The following KCNIP4 variants were observed in gnomAD, a reference collection of about 807,000 sequenced individuals.
KCNIP4 encodes potassium voltage-gated channel interacting protein 4.
In KCNIP4, 12 loss-of-function variants were observed where a neutral mutation model predicts 34.0. The observed-to-expected ratio is 0.35, with a 90% CI of 0.23 to 0.57. The LOEUF (loss-of-function observed/expected upper bound fraction) is 0.57, where lower values mean the gene tolerates loss of function less well. KCNIP4 is among the 20% of genes least tolerant of loss of function. The pLI is 0.83. For synonymous variants in KCNIP4, 124 were observed against 102.2 expected (o/e 1.21, Z -1.29); for missense variants, 238 against 311.7 (o/e 0.76, Z 1.78).
chr4:20,823,525 C>T (rs1306628516), intron 3 of KCNIP4, among the ~76,000 whole-genome samples: 2 of 151,974 alleles, frequency 1.3e-5, no homozygotes, highest in Non-Finnish European at 2.9e-5. Context: ...GGGTGTAGCC[C>T]TCATGAATGG....
chr4:20,993,294 T>C (rs1737251065), intron 1 of KCNIP4, among the ~76,000 whole-genome samples: 1 of 152,144 alleles, frequency 6.6e-6, no homozygotes, highest in African/African-American at 2.4e-5. Context: ...AGATTTCTTA[T>C]AGTGAGAAGA....
intron 1 of KCNIP4, among the ~76,000 whole-genome samples, chr4:21,621,534 T>G (rs924257914): frequency 6.6e-6 from 1 of 152,090 alleles, no homozygotes; most frequent in African/African-American, 2.4e-5. Flanking sequence ...TCTGATGAAA[T>G]TTTTGTAGAG....
At chr4:21,888,383 T>G (rs1420255605) in intron 1 of KCNIP4, among the ~76,000 whole-genome samples, 1 of 152,104 alleles carries the variant, frequency 6.6e-6, no homozygotes, top group Non-Finnish European at 1.5e-5. Flanking sequence ...AAAGTAGAAC[T>G]GGTGACTAAA....
chr4:21,432,325 A>G (rs1726563365), intron 1 of KCNIP4, among the ~76,000 whole-genome samples: 1 of 151,572 alleles, frequency 6.6e-6, no homozygotes, highest in Admixed American at 6.6e-5. Context: ...CCCGATAAAC[A>G]TTGTTAGTCT....
chr4:21,944,982 C>T (rs1450859094), intron 1 of KCNIP4, among the ~76,000 whole-genome samples: 1 of 152,042 alleles, frequency 6.6e-6, no homozygotes, highest in Non-Finnish European at 1.5e-5. Context: ...CTCCCCACAA[C>T]CCCCTCCCTG....
intron 3 of KCNIP4, among the ~76,000 whole-genome samples, chr4:20,831,031 T>C (rs1358522439): frequency 6.6e-6 from 1 of 152,204 alleles, no homozygotes; most frequent in Non-Finnish European, 1.5e-5. Context: ...CTGTAAAATA[T>C]AAAGAGAGTG....
At chr4:20,968,544 T>C (rs1475264826) in intron 1 of KCNIP4, among the ~76,000 whole-genome samples, 3 of 152,020 alleles carry the variant, frequency 2.0e-5, no homozygotes, top group Non-Finnish European at 2.9e-5. Flanking sequence ...CCATCAATGA[T>C]AGACTGGATT....
chr4:20,930,636 T>C (rs55733034), intron 1 of KCNIP4, among the ~76,000 whole-genome samples: 3,647 of 152,140 alleles, frequency 0.024, 132 homozygotes, highest in African/African-American at 0.075. Flanking sequence ...TATTCAACAT[T>C]TGTAAAGAAC....
intron 1 of KCNIP4, among the ~76,000 whole-genome samples, chr4:20,989,975 A>G (rs1244084590): frequency 3.3e-5 from 5 of 152,106 alleles, no homozygotes; most frequent in Non-Finnish European, 7.4e-5. Flanking sequence ...AACAAAAACA[A>G]AACAAAAGAC....
chr4:21,529,942 A>C (rs1736533900), intron 1 of KCNIP4, among the ~76,000 whole-genome samples: 1 of 152,162 alleles, frequency 6.6e-6, no homozygotes, highest in Non-Finnish European at 1.5e-5. Context: ...GTTCGCGAGG[A>C]ACTCTGAAGA....
At chr4:21,292,125 A>C (rs1267257587) in intron 1 of KCNIP4, among the ~76,000 whole-genome samples, 1 of 152,110 alleles carries the variant, frequency 6.6e-6, no homozygotes, top group Non-Finnish European at 1.5e-5. Context: ...CAACATAATA[A>C]ATAAACTACT....
rs539564842 is a variant in KCNIP4 at position 20,868,862 on chromosome 4, T to C, written c.163+13746A>G. Among the ~76,000 whole-genome samples, 5 of 152,146 alleles carry C rather than the reference T, an allele frequency of 3.3e-5. No homozygotes were observed. In the East Asian group the frequency reaches 5.8e-4, roughly 18 times the overall value. On this transcript the variant is annotated intron_variant, in intron 2 of 8. Coordinates refer to ENST00000382152, the MANE Select transcript of KCNIP4 (RefSeq NM_025221.6). ...AGGCGGGACATTGAAAAACTACCTA[T>C]TGGGTACTATGCTCACTGCCAAGGT...
chr4:21,871,937 A>T (rs992397416), intron 1 of KCNIP4, among the ~76,000 whole-genome samples: 3 of 151,850 alleles, frequency 2.0e-5, no homozygotes, highest in Non-Finnish European at 4.4e-5. Context: ...ACCACACTGC[A>T]GTTTTCCCTG....
At chr4:21,172,037 T>C (rs1389539304) in intron 1 of KCNIP4, among the ~76,000 whole-genome samples, 1 of 152,170 alleles carries the variant, frequency 6.6e-6, no homozygotes. Flanking sequence ...TTTTGTTTTG[T>C]TTTGTTTTGA....
intron 1 of KCNIP4, among the ~76,000 whole-genome samples, chr4:21,831,579 G>A (rs1331692249): frequency 7.0e-6 from 1 of 142,954 alleles, no homozygotes; most frequent in South Asian, 2.3e-4. Flanking sequence ...CAGCATACAT[G>A]TCCCAAGACT....
rs563039729 is a variant in KCNIP4, at chr4:21,168,963, G to A, written c.62-286254C>T. Among the ~76,000 whole-genome samples the A allele has an allele frequency of 1.6e-4, 25 of 152,150 alleles. No homozygotes were observed. In the South Asian group the frequency reaches 4.2e-3, roughly 25 times the overall value. On this transcript the variant is annotated intron_variant, in intron 1 of 8. Transcript: ENST00000382152. ...GGCTTATCAGTCTTTGATCTATGAC[G>A]GCTATCAGACCTGCTGAAAGTCATG...
intron 4 of KCNIP4, 67 bp from the exon 5 acceptor site, chr4:20,749,799 A>T: frequency 9.9e-7 from 1 of 1,013,210 alleles, no homozygotes; most frequent in Non-Finnish European, 1.5e-6. Flanking sequence ...CTTGGATAGC[A>T]GTCCAAGCTT....
At chr4:21,615,721 C>T (rs2109160071) in intron 1 of KCNIP4, among the ~76,000 whole-genome samples, 1 of 152,286 alleles carries the variant, frequency 6.6e-6, no homozygotes, top group African/African-American at 2.4e-5. Context: ...TTTTAGATGA[C>T]TGCAGTTTTA....
intron 1 of KCNIP4, among the ~76,000 whole-genome samples, chr4:21,868,481 C>T (rs537599614): frequency 6.6e-6 from 1 of 152,184 alleles, no homozygotes; most frequent in Admixed American, 6.5e-5. Context: ...GCTATGACAC[C>T]GTTTTCAAAA....
Sources: allele counts gnomAD v4.1 joint callset (sites outside exome capture counted in the v4.1 genomes callset), GRCh38; gene constraint gnomAD v4.1.1; transcripts MANE v1.5; gene names NCBI Gene and HGNC (gene_info 2026-07-23, HGNC 2026-07-21).